The following CLDN16 variants were observed in gnomAD, a reference collection of about 807,000 sequenced individuals.
CLDN16 encodes claudin 16, also known as claudin-16.
CLDN16 carries 13 observed loss-of-function variants against 24.6 expected under a neutral mutation model. The observed-to-expected ratio is 0.53, with a 90% CI of 0.34 to 0.84. The LOEUF is 0.84. Ranked by LOEUF, CLDN16 falls within the 40% of genes least tolerant of loss-of-function variation. The pLI, the probability that CLDN16 is intolerant of heterozygous loss-of-function variation, is 0.01. For missense variants in CLDN16, 298 were observed against 292.7 expected, an observed-to-expected ratio of 1.02 and a Z score of -0.13; for synonymous variants, 116 against 106.7, an observed-to-expected ratio of 1.09 and a Z score of -0.54.
At chr3:190,378,815 C>A (rs1204269111) in intron 3 of CLDN16, among the ~76,000 whole-genome samples, 1 of 151,976 alleles carries the variant, frequency 6.6e-6, no homozygotes, top group East Asian at 1.9e-4. Flanking sequence ...GTCTTGGATC[C>A]AAACTCCAAT....
At chr3:190,304,911 T>A in the CLDN16 span, among the ~76,000 whole-genome samples, 1 of 152,212 alleles carries the variant, frequency 6.6e-6, no homozygotes, top group Non-Finnish European at 1.5e-5. Context: ...CAGATAAGGA[T>A]GAGCTCACAC....
the CLDN16 span, among the ~76,000 whole-genome samples, chr3:190,299,171 A>G: frequency 3.3e-5 from 5 of 152,158 alleles, no homozygotes; most frequent in African/African-American, 1.2e-4. Context: ...AATTTTATTA[A>G]GGTTTTATTA....
the CLDN16 span, among the ~76,000 whole-genome samples, chr3:190,315,331 T>C: frequency 0.39 from 59,098 of 151,938 alleles, 12,513 homozygotes; most frequent in Non-Finnish European, 0.49. Context: ...CTTAGAAGGC[T>C]CTCAATCCTG....
chr3:190,294,961 C>G, the CLDN16 span, among the ~76,000 whole-genome samples: 1 of 152,014 alleles, frequency 6.6e-6, no homozygotes, highest in Admixed American at 6.6e-5. Flanking sequence ...TCTTTTCTAG[C>G]TTTATTTTAA....
intron 1 of CLDN16, among the ~76,000 whole-genome samples, chr3:190,350,448 T>C (rs1717648253): frequency 6.6e-6 from 1 of 151,872 alleles, no homozygotes; most frequent in African/African-American, 2.4e-5. Context: ...AGTCAATGTG[T>C]ATTTTGAAAA....
the CLDN16 span, among the ~76,000 whole-genome samples, chr3:190,301,449 C>G: frequency 1.3e-5 from 2 of 151,578 alleles, no homozygotes; most frequent in Non-Finnish European, 2.9e-5. Context: ...GAGCCAAGAT[C>G]GCACACTGCA....
In CLDN16 at chr3:190,349,071, G is replaced by A. The variant is rs549755867; in HGVS notation, n.122-21822G>A. Among the ~76,000 whole-genome samples the A allele has an allele frequency of 5.9e-5, 9 of 152,266 alleles. No homozygotes were observed. In the East Asian group the frequency reaches 1.5e-3, roughly 26 times the overall value. ...TTTCTTTATCCAGTCTGTCATTGAT[G>A]GGCATTAAGGTTGATGAATCGATAT... On this transcript the variant is annotated intron_variant and non_coding_transcript_variant, in intron 1 of 4. Transcript: ENST00000468220.
intron 1 of CLDN16, among the ~76,000 whole-genome samples, chr3:190,398,586 T>A (rs1194264485): frequency 6.6e-6 from 1 of 152,198 alleles, no homozygotes. Flanking sequence ...ATACTGGTGG[T>A]AAGAATGTGG....
the CLDN16 span, among the ~76,000 whole-genome samples, chr3:190,292,091 A>G: frequency 2.6e-5 from 4 of 152,170 alleles, no homozygotes; most frequent in Non-Finnish European, 2.9e-5. Flanking sequence ...GACCCAGTGA[A>G]GACTCTGTGT....
chr3:190,362,997 A>T (rs1401870511), intron 1 of CLDN16, among the ~76,000 whole-genome samples: 1 of 151,962 alleles, frequency 6.6e-6, no homozygotes, highest in Admixed American at 6.6e-5. Context: ...TGCATTTTTT[A>T]AAAAATCAAA....
the CLDN16 span, among the ~76,000 whole-genome samples, chr3:190,314,959 G>A: frequency 1.3e-5 from 2 of 152,108 alleles, no homozygotes; most frequent in African/African-American, 4.8e-5. Context: ...TTACCAGGAA[G>A]GAACTGAAGC....
the CLDN16 span, among the ~76,000 whole-genome samples, chr3:190,302,707 G>T: frequency 2.0e-5 from 3 of 151,422 alleles, no homozygotes; most frequent in Non-Finnish European, 2.9e-5. Flanking sequence ...GGAGGTGGAG[G>T]TTGCAGTGAA....
intron 2 of CLDN16, among the ~76,000 whole-genome samples, chr3:190,372,062 T>C (rs1184888900): frequency 1.3e-5 from 2 of 151,928 alleles, no homozygotes; most frequent in African/African-American, 4.8e-5. Context: ...TTATCTCAGG[T>C]CCCATGCCCT....
chr3:190,327,383 A>G (rs1423849647), intron 1 of CLDN16, among the ~76,000 whole-genome samples: 1 of 152,242 alleles, frequency 6.6e-6, no homozygotes, highest in Non-Finnish European at 1.5e-5. Flanking sequence ...TGTGGACACC[A>G]TAGCCTAGCC....
chr3:190,318,494 G>A (rs1716829181), upstream of CLDN16, among the ~76,000 whole-genome samples: 1 of 152,044 alleles, frequency 6.6e-6, no homozygotes, highest in Admixed American at 6.5e-5. Flanking sequence ...ATGGATAAAC[G>A]AATCATAGAT....
chr3:190,364,478 G>C (rs1250437743), intron 1 of CLDN16, among the ~76,000 whole-genome samples: 1 of 151,898 alleles, frequency 6.6e-6, no homozygotes, highest in Non-Finnish European at 1.5e-5. Flanking sequence ...AATGGTTCCT[G>C]TTGTCCCACG....
intron 1 of CLDN16, 81 bp from the exon 2 acceptor site, chr3:190,402,256 C>T: frequency 1.9e-6 from 2 of 1,071,320 alleles, no homozygotes; most frequent in South Asian, 2.5e-5. Context: ...CAAACACAAC[C>T]ACCAACTTCT....
intron 1 of CLDN16, chr3:190,322,714 A>T (rs962532866): frequency 4.9e-6 from 1 of 203,992 alleles, no homozygotes; most frequent in Non-Finnish European, 1.0e-5. Context: ...AAAAATTACT[A>T]TGCACTGTAC....
the CLDN16 span, among the ~76,000 whole-genome samples, chr3:190,298,371 ACAC>A: frequency 6.6e-6 from 1 of 151,672 alleles, no homozygotes; most frequent in Non-Finnish European, 1.5e-5. Flanking sequence ...ACACACACAC[ACAC>A]ACCTTAACAA....
Sources: gnomAD v4.1 joint callset for allele counts (sites outside exome capture counted in the v4.1 genomes callset) on GRCh38, gnomAD v4.1.1 for gene constraint, MANE v1.5 for transcripts, NCBI Gene and HGNC (gene_info 2026-07-23, HGNC 2026-07-21) for gene names.